Variants in GRAMD1B observed in about 807,000 individuals in gnomAD.
GRAMD1B encodes protein Aster-B.
GRAMD1B carries 37 observed loss-of-function variants against 99.7 expected under a neutral mutation model. The ratio of observed to expected loss-of-function variants is 0.37; its 90% CI spans 0.29 to 0.49. GRAMD1B has a LOEUF of 0.49. Among genes scored for constraint, GRAMD1B ranks in the 20% least tolerant of loss-of-function variants. The pLI, the probability that GRAMD1B is intolerant of heterozygous loss-of-function variation, is 0.98. For missense variants in GRAMD1B, 888 were observed against 1,009.2 expected (o/e 0.88, Z 1.63); for synonymous variants, 427 against 387.6 (o/e 1.10, Z -1.19).
chr11:123,515,053 G>A (rs1248010832), intron 2 of GRAMD1B, among the ~76,000 whole-genome samples: 2 of 152,214 alleles, frequency 1.3e-5, no homozygotes, highest in African/African-American at 4.8e-5. Flanking sequence ...AACGTTGACA[G>A]CAAGAAGCAC....
chr11:123,406,644 T>C (rs891765194), intron 1 of GRAMD1B, among the ~76,000 whole-genome samples: 2 of 152,234 alleles, frequency 1.3e-5, no homozygotes, highest in African/African-American at 4.8e-5. Flanking sequence ...TGGAGTGTTA[T>C]TGTTTAACTT....
At chr11:123,458,516 G>C (rs1950260452) in intron 1 of GRAMD1B, 1 of 152,084 alleles carries the variant, frequency 6.6e-6, no homozygotes, top group African/African-American at 2.4e-5. Flanking sequence ...GCTTTACCGG[G>C]TTCCTAGGTA....
intron 1 of GRAMD1B, among the ~76,000 whole-genome samples, chr11:123,469,746 T>C (rs1326427684): frequency 2.8e-5 from 4 of 145,228 alleles, no homozygotes; most frequent in African/African-American, 5.2e-5. Context: ...TTTCTCTTTC[T>C]TTCTTTCTTT....
intron 14 of GRAMD1B, among the ~76,000 whole-genome samples, 179 bp from the exon 15 acceptor site, chr11:123,612,582 G>C (rs759467548): frequency 2.0e-5 from 3 of 152,176 alleles, no homozygotes; most frequent in Non-Finnish European, 4.4e-5. Context: ...TATAAAATGG[G>C]GATAAATCCA....
intron 1 of GRAMD1B, among the ~76,000 whole-genome samples, chr11:123,456,781 G>A (rs1950140023): frequency 6.6e-6 from 1 of 151,856 alleles, no homozygotes; most frequent in Admixed American, 6.6e-5. Flanking sequence ...TTAGCCAGGT[G>A]TGGTGGTGCA....
At chr11:123,513,952 G>A (rs899302766) in intron 2 of GRAMD1B, among the ~76,000 whole-genome samples, 1 of 152,088 alleles carries the variant, frequency 6.6e-6, no homozygotes, top group Non-Finnish European at 1.5e-5. Flanking sequence ...CACTGTGCTG[G>A]CAAGAGTTTT....
rs556942222 is a variant in GRAMD1B at position 123,535,277 on chromosome 11, C to T, written c.453-42090C>T. Among the ~76,000 whole-genome samples the T allele has an allele frequency of 2.4e-4, 36 of 150,796 alleles. No homozygotes were observed. In the South Asian group the frequency reaches 7.3e-3, roughly 31 times the overall value. ...AATCTCATACAACCTTAATACAACC[C>T]TACAGGAAAGATGTTTTTTTTTTTT... On this transcript the variant is annotated intron_variant, in intron 2 of 19. Coordinates refer to ENST00000635736, the MANE Select transcript of GRAMD1B (RefSeq NM_001387025.1).
intron 2 of GRAMD1B, among the ~76,000 whole-genome samples, chr11:123,509,548 T>A (rs1940769180): frequency 6.6e-6 from 1 of 152,230 alleles, no homozygotes; most frequent in Non-Finnish European, 1.5e-5. Flanking sequence ...TCCTCACCAG[T>A]TTCTAGAAGC....
intron 1 of GRAMD1B, among the ~76,000 whole-genome samples, chr11:123,457,496 C>T (rs1283514768): frequency 6.6e-6 from 1 of 152,198 alleles, no homozygotes; most frequent in Non-Finnish European, 1.5e-5. Flanking sequence ...GATTTCTTAG[C>T]TTAGCGTCAT....
chr11:123,594,864 G>C (rs1234404957), intron 6 of GRAMD1B, 26 bp downstream of exon 6: 7 of 1,220,114 alleles, frequency 5.7e-6, no homozygotes, highest in Non-Finnish European at 4.9e-6. Context: ...TGCTCCCTTG[G>C]GCTGTCTCCT....
At chr11:123,572,799 G>C (rs1236891545) in intron 2 of GRAMD1B, among the ~76,000 whole-genome samples, 1 of 151,002 alleles carries the variant, frequency 6.6e-6, no homozygotes, top group Admixed American at 6.6e-5. Flanking sequence ...CTGGGGCAGA[G>C]GCGCAGGTAG....
At chr11:123,393,078 A>ACC (rs1478902020) in intron 1 of GRAMD1B, among the ~76,000 whole-genome samples, 1 of 152,200 alleles carries the variant, frequency 6.6e-6, no homozygotes, top group Non-Finnish European at 1.5e-5. Flanking sequence ...TGACTAATAA[A>ACC]TGAGCTTTTA....
intron 2 of GRAMD1B, among the ~76,000 whole-genome samples, chr11:123,573,669 G>C (rs956562728): frequency 6.6e-6 from 1 of 152,138 alleles, no homozygotes; most frequent in South Asian, 2.1e-4. Flanking sequence ...TAATAATACT[G>C]TTCTTTGCAA....
At position 123,550,447 on chromosome 11, in the gene GRAMD1B, A is replaced by G. The variant is rs76370993; in HGVS notation, c.453-26920A>G. On this transcript the variant is annotated intron_variant, in intron 2 of 19. Transcript: ENST00000635736. The stretch of plus-strand genomic sequence containing the variant: ...CTCTCTCATGCACACTCACTCTGCC[A>G]TTGTCTTTCTCACTAGCTCCCAGTG... 2.7e-3 allele frequency among the ~76,000 whole-genome samples: 408 copies of G among 152,182 alleles called. 5 individuals are homozygous for G. The East Asian group carries it at 0.04, about 15-fold the overall frequency.
chr11:123,472,503 A>C (rs1183882788), intron 1 of GRAMD1B, among the ~76,000 whole-genome samples: 1 of 152,164 alleles, frequency 6.6e-6, no homozygotes, highest in Non-Finnish European at 1.5e-5. Context: ...TGCCAAGAAA[A>C]TTAAGGACAC....
At chr11:123,597,950 A>T (rs1180604764) in intron 7 of GRAMD1B, 8 of 1,126,456 alleles carry the variant, frequency 7.1e-6, no homozygotes, top group Non-Finnish European at 1.1e-5. Context: ...ACACTAGAGC[A>T]GTCCTTGTTT....
At chr11:123,548,203 GCTA>G (rs1469432769) in intron 2 of GRAMD1B, among the ~76,000 whole-genome samples, 1 of 149,952 alleles carries the variant, frequency 6.7e-6, no homozygotes, top group African/African-American at 2.5e-5. Flanking sequence ...TTGTCATTTG[GCTA>G]CTTTTATCCT....
intron 2 of GRAMD1B, among the ~76,000 whole-genome samples, chr11:123,572,953 G>C (rs1295431792): frequency 1.4e-5 from 2 of 138,904 alleles, no homozygotes; most frequent in Non-Finnish European, 3.1e-5. Context: ...GCTGGGGCAG[G>C]GGCGCAGGTA....
chr11:123,522,135 G>A (rs554197903), intron 2 of GRAMD1B, among the ~76,000 whole-genome samples: 9 of 152,154 alleles, frequency 5.9e-5, no homozygotes, highest in African/African-American at 2.2e-4. Context: ...ATTCCTAGAG[G>A]TTGTGTTAGT....
Sources: gnomAD v4.1 joint callset for allele counts (sites outside exome capture counted in the v4.1 genomes callset) on GRCh38, gnomAD v4.1.1 for gene constraint, MANE v1.5 for transcripts, NCBI Gene and HGNC (gene_info 2026-07-23, HGNC 2026-07-21) for gene names.